Variants in GAPVD1 observed in about 807,000 individuals in gnomAD.
GAPVD1 encodes the protein GTPase activating protein and VPS9 domains 1, also known as GTPase-activating protein and VPS9 domain-containing protein 1.
In GAPVD1, 35 loss-of-function variants were observed where a neutral mutation model predicts 155.5. The ratio of observed to expected loss-of-function variants is 0.23; its 90% CI spans 0.17 to 0.30. GAPVD1 has a LOEUF of 0.30. Ranked by LOEUF, GAPVD1 falls within the 10% of genes least tolerant of loss-of-function variation. The pLI is 1.00. For synonymous variants in GAPVD1, 636 were observed against 619.7 expected (o/e 1.03, Z -0.39); for missense variants, 1,429 against 1,775.7 (o/e 0.80, Z 3.51).
chr9:125,350,578 CT>C (rs1849153387), intron 22 of GAPVD1, 134 bp from the exon 23 acceptor site: 1 of 682,050 alleles, frequency 1.5e-6, no homozygotes, highest in African/African-American at 1.8e-5. Context: ...AAAGTATTTT[CT>C]AATTGGGAGT....
At chr9:125,349,850 A>G (rs1213030848) in intron 21 of GAPVD1, among the ~76,000 whole-genome samples, 2 of 140,998 alleles carry the variant, frequency 1.4e-5, no homozygotes, top group Non-Finnish European at 1.5e-5. Flanking sequence ...AAGAAAAAGG[A>G]AAAAAAAAAA....
intron 12 of GAPVD1, among the ~76,000 whole-genome samples, chr9:125,329,193 G>T (rs1287529195): frequency 1.3e-5 from 2 of 152,186 alleles, no homozygotes; most frequent in Non-Finnish European, 2.9e-5. Context: ...TGCCAAAGTG[G>T]TATTGTTCTT....
intron 9 of GAPVD1, 79 bp downstream of exon 9, chr9:125,312,691 G>A (rs1842831179): frequency 9.6e-7 from 1 of 1,042,880 alleles, no homozygotes; most frequent in Non-Finnish European, 1.4e-6. Context: ...CCAGAGGTTG[G>A]GTGGCTTATA....
intron 4 of GAPVD1, among the ~76,000 whole-genome samples, chr9:125,300,075 ATATATATATATATATATATG>A (rs1294953439): frequency 4.0e-5 from 4 of 99,720 alleles, no homozygotes; most frequent in Admixed American, 2.4e-4. Flanking sequence ...ATATATATAT[ATATATATATATATATATATG>A]TATTTCCATG....
Position 125,363,456 on chromosome 9 carries a change from G to A in GAPVD1, c.*710G>A, listed in dbSNP as rs923964037. On this transcript the variant is annotated 3_prime_UTR_variant, in exon 28 of 28. Coordinates refer to ENST00000297933, the MANE Select transcript of GAPVD1 (RefSeq NM_001282680.3). ...GTAATACAGTTTATTGAACTTTCTA[G>A]GTATGGAGTTTGATGGACAGGGCTG... 1 of 152,294 alleles carries A rather than the reference G, an allele frequency of 6.6e-6. No individual in the cohort carries two copies. The highest frequency in any genetic ancestry group is 2.1e-4 in the South Asian group (1 of 4,818). 9.4% of individuals were successfully genotyped at this position (152,294 alleles called of 1,614,324 possible). A position where few individuals can be genotyped will look rare whatever the true frequency, so the allele number is the denominator to read the frequency against.
Position 125,362,781 on chromosome 9 carries a change from A to T in GAPVD1, c.*35A>T, listed in dbSNP as rs1589157399. The T allele has an allele frequency of 1.2e-6, 2 of 1,600,720 alleles. No individual in the cohort carries two copies. The highest frequency in any genetic ancestry group is 1.7e-6 in the Non-Finnish European group (2 of 1,171,842). On this transcript the variant is annotated 3_prime_UTR_variant, in exon 28 of 28. Coordinates refer to ENST00000297933, the MANE Select transcript of GAPVD1 (RefSeq NM_001282680.3). Reference sequence around the variant, plus strand: ...AGGCCCACCAAGGCAGCAGACTGTTAATCAGACAAACAGATCTCTGAGAAG... The same window carrying T: ...AGGCCCACCAAGGCAGCAGACTGTTTATCAGACAAACAGATCTCTGAGAAG...
chr9:125,294,300 C>T (rs1839469544), intron 2 of GAPVD1, among the ~76,000 whole-genome samples: 1 of 150,346 alleles, frequency 6.7e-6, no homozygotes, highest in South Asian at 2.1e-4. Flanking sequence ...CTCCACCTCC[C>T]AAAGTGCTGG....
At chr9:125,336,994 C>CTG in intron 15 of GAPVD1, 24 bp from the exon 16 acceptor site, 1 of 1,456,736 alleles carries the variant, frequency 6.9e-7, no homozygotes, top group Non-Finnish European at 9.6e-7. Context: ...CTGGCTTGGT[C>CTG]TCACAGTTTC....
chr9:125,293,876 A>AAATATATTT (rs1839295965), intron 2 of GAPVD1, among the ~76,000 whole-genome samples: 16 of 18,220 alleles, frequency 8.8e-4, no homozygotes, highest in African/African-American at 3.8e-3. Context: ...ATATATATAT[A>AAATATATTT]TATATATATA....
intron 23 of GAPVD1, among the ~76,000 whole-genome samples, chr9:125,354,445 GT>G (rs1301587988): frequency 6.6e-6 from 1 of 152,146 alleles, no homozygotes; most frequent in Non-Finnish European, 1.5e-5. Context: ...ATGGGTGTCT[GT>G]TCTGCAGCTG....
intron 9 of GAPVD1, among the ~76,000 whole-genome samples, chr9:125,313,176 C>T (rs1266035730): frequency 6.6e-6 from 1 of 152,022 alleles, no homozygotes; most frequent in Non-Finnish European, 1.5e-5. Context: ...GCCTTCATGA[C>T]CTAATCACCT....
intron 24 of GAPVD1, 49 bp downstream of exon 24, chr9:125,354,890 G>T: frequency 1.5e-6 from 2 of 1,294,246 alleles, no homozygotes; most frequent in South Asian, 1.2e-5. Context: ...TAATACTGTT[G>T]GGAAGATTTA....
intron 2 of GAPVD1, among the ~76,000 whole-genome samples, chr9:125,281,695 C>CTAAATGT (rs1214103605): frequency 6.6e-5 from 10 of 152,088 alleles, no homozygotes; most frequent in African/African-American, 2.4e-4. Flanking sequence ...GGATCCCATT[C>CTAAATGT]AGCATACTAT....
chr9:125,309,884 T>TTAA, intron 8 of GAPVD1: 1 of 447,404 alleles, frequency 2.2e-6, no homozygotes, highest in South Asian at 1.7e-5. Flanking sequence ...CTGTCCATTG[T>TTAA]TCAGAGGGTT....
chr9:125,307,707 G>A lies in GAPVD1; in HGVS notation c.1268G>A (p.Ser423Asn), dbSNP rs751741292. 2 of 1,613,758 alleles carry A rather than the reference G, an allele frequency of 1.2e-6. No individual in the cohort carries two copies. The highest frequency in any genetic ancestry group is 2.2e-5 in the South Asian group (2 of 91,078). Residue 423 changes from serine (S) to asparagine (N), a missense_variant, in exon 8 of 28, where the codon AGT becomes AAT. Ser to Asn is a conservative substitution (Grantham distance 46). Coordinates refer to ENST00000297933, the MANE Select transcript of GAPVD1 (RefSeq NM_001282680.3). The stretch of plus-strand genomic sequence containing the variant: ...TTTTGCCAGGTGAATTTTATGAAGA[G>A]TGTGATGTCTGGAGATCAACTGAGA... Reference protein sequence around the residue: ...QLITLVNFMKSVMSGDQLRED... With the variant: ...QLITLVNFMKNVMSGDQLRED...
chr9:125,266,125 T>TA (rs1487013818), intron 1 of GAPVD1, among the ~76,000 whole-genome samples: 1 of 110,614 alleles, frequency 9.0e-6, no homozygotes, highest in Non-Finnish European at 1.8e-5. Context: ...ATGATATCTA[T>TA]AATTTTTTTT....
At chr9:125,336,867 A>G (rs545362657) in intron 15 of GAPVD1, 151 bp from the exon 16 acceptor site, 1 of 591,958 alleles carries the variant, frequency 1.7e-6, no homozygotes, top group African/African-American at 1.9e-5. Context: ...ATTGGAAGTA[A>G]TCATAATTTG....
chr9:125,280,650 A>G (rs900300740), intron 2 of GAPVD1, among the ~76,000 whole-genome samples: 3 of 147,112 alleles, frequency 2.0e-5, no homozygotes, highest in African/African-American at 7.6e-5. Flanking sequence ...ATCTTGGCTC[A>G]CTGCAAACTC....
chr9:125,293,884 A>ATTT (rs1286702976), intron 2 of GAPVD1, among the ~76,000 whole-genome samples: 1 of 22,678 alleles, frequency 4.4e-5, no homozygotes, highest in African/African-American at 1.7e-4. Context: ...ATATATATAT[A>ATTT]TATATATATA....
Sources: gnomAD v4.1 joint callset for allele counts (sites outside exome capture counted in the v4.1 genomes callset) on GRCh38, gnomAD v4.1.1 for gene constraint, MANE v1.5 for transcripts, NCBI Gene and HGNC (gene_info 2026-07-23, HGNC 2026-07-21) for gene names.